The following PCDH15 variants were observed in gnomAD, a reference collection of about 807,000 sequenced individuals.
The protein encoded by PCDH15 is protocadherin-15.
A neutral mutation model predicts 178.5 loss-of-function variants in PCDH15; 129 were observed. The observed-to-expected ratio is 0.72, with a 90% CI of 0.63 to 0.84. The LOEUF (loss-of-function observed/expected upper bound fraction) is 0.84, where lower values mean the gene tolerates loss of function less well. PCDH15 is among the 40% of genes least tolerant of loss of function. The pLI is 0.00. For synonymous variants in PCDH15, 800 were observed against 732.0 expected, an observed-to-expected ratio of 1.09 and a Z score of -1.50; for missense variants, 2,230 against 2,099.9, an observed-to-expected ratio of 1.06 and a Z score of -1.21.
rs201916588 is a variant in PCDH15, at chr10:54,723,204, CAT to C, written c.-28-58916_-28-58915del. Among the ~76,000 whole-genome samples, 1,276 of 151,572 alleles carry C rather than the reference CAT, an allele frequency of 8.4e-3. 14 individuals carry two copies. The highest frequency in any genetic ancestry group is 0.029 in the African/African-American group (1,181 of 41,432). ...CATGCTACTAGTACAAAAATGGAGA[CAT>C]AGATCAATGGAACAGAAAAGATAAC... On this transcript the variant is annotated intron_variant, in intron 1 of 37. Transcript: ENST00000644397.
At chr10:55,419,602 G>GT (rs1244084161) in intron 2 of PCDH15, among the ~76,000 whole-genome samples, 1 of 151,790 alleles carries the variant, frequency 6.6e-6, no homozygotes, top group Non-Finnish European at 1.5e-5. Context: ...CACAATAGTG[G>GT]TTTAAAGACC....
intron 3 of PCDH15, among the ~76,000 whole-genome samples, chr10:54,471,501 G>C (rs932633777): frequency 6.6e-6 from 1 of 151,956 alleles, no homozygotes; most frequent in African/African-American, 2.4e-5. Flanking sequence ...ATTAGTTTCT[G>C]TTTTATGTGA....
intron 34 of PCDH15, 22 bp from the exon 35 acceptor site, chr10:53,816,299 G>T: frequency 2.5e-6 from 1 of 398,530 alleles, no homozygotes; most frequent in Non-Finnish European, 4.4e-6. Context: ...AATTAAAATA[G>T]AAAAAGATTT....
intron 3 of PCDH15, among the ~76,000 whole-genome samples, chr10:54,858,110 G>T (rs1953773058): frequency 6.6e-6 from 1 of 152,118 alleles, no homozygotes; most frequent in Non-Finnish European, 1.5e-5. Context: ...CTACTCTCTA[G>T]TTCCAGGAAT....
At chr10:55,429,686 T>G (rs1212825149) in intron 2 of PCDH15, among the ~76,000 whole-genome samples, 5 of 152,206 alleles carry the variant, frequency 3.3e-5, no homozygotes, top group African/African-American at 7.2e-5. Flanking sequence ...CCTCAAATCT[T>G]AGAAGCATTT....
At chr10:55,006,831 T>C (rs747995017) in intron 2 of PCDH15, among the ~76,000 whole-genome samples, 22 of 152,204 alleles carry the variant, frequency 1.4e-4, no homozygotes, top group Non-Finnish European at 2.4e-4. Context: ...GTAGCCTCTT[T>C]CTTTTCACCT....
At chr10:54,465,463 T>C (rs2077454679) in intron 3 of PCDH15, among the ~76,000 whole-genome samples, 2 of 152,038 alleles carry the variant, frequency 1.3e-5, no homozygotes, top group South Asian at 2.1e-4. Flanking sequence ...TATTACCTTT[T>C]TTAGCCCCAC....
chr10:55,477,183 T>C (rs148889049), intron 2 of PCDH15, among the ~76,000 whole-genome samples: 305 of 152,048 alleles, frequency 2.0e-3, no homozygotes, highest in African/African-American at 7.0e-3. Context: ...TCATTCATTT[T>C]TGGGCATGAA....
chr10:54,563,227 G>C (rs1432070696), intron 2 of PCDH15, among the ~76,000 whole-genome samples: 1 of 152,076 alleles, frequency 6.6e-6, no homozygotes, highest in African/African-American at 2.4e-5. Context: ...CCCAGGTTTT[G>C]AAATAAGCCC....
chr10:54,620,738 T>A (rs574884074), intron 2 of PCDH15, among the ~76,000 whole-genome samples: 231 of 152,130 alleles, frequency 1.5e-3, no homozygotes, highest in African/African-American at 4.8e-3. Flanking sequence ...TTTCTGTACA[T>A]CCTGTAGGAT....
At chr10:54,021,700 C>A (rs1037304835) in intron 19 of PCDH15, among the ~76,000 whole-genome samples, 2 of 151,822 alleles carry the variant, frequency 1.3e-5, no homozygotes, top group Admixed American at 6.6e-5. Context: ...GTTAGGAGCT[C>A]CACCTCTATT....
At chr10:54,282,046 T>A (rs1173986456) in intron 8 of PCDH15, among the ~76,000 whole-genome samples, 1 of 152,108 alleles carries the variant, frequency 6.6e-6, no homozygotes, top group African/African-American at 2.4e-5. Context: ...CTCTTTGACA[T>A]TTACTACTAC....
At chr10:55,165,548 A>C (rs1017513869) in intron 2 of PCDH15, among the ~76,000 whole-genome samples, 1 of 151,932 alleles carries the variant, frequency 6.6e-6, no homozygotes, top group Non-Finnish European at 1.5e-5. Flanking sequence ...TAAAATGGTA[A>C]AATTATTTTT....
intron 2 of PCDH15, among the ~76,000 whole-genome samples, chr10:54,957,254 G>A (rs1838513161): frequency 6.6e-6 from 1 of 150,882 alleles, no homozygotes; most frequent in Non-Finnish European, 1.5e-5. Flanking sequence ...AGAATAATTT[G>A]GGCAAAAAAA....
intron 2 of PCDH15, among the ~76,000 whole-genome samples, chr10:54,638,922 G>A (rs193144374): frequency 9.2e-5 from 14 of 152,176 alleles, no homozygotes; most frequent in Admixed American, 9.2e-4. Context: ...ATTATTCTAA[G>A]TGAAGTAAGT....
intron 2 of PCDH15, among the ~76,000 whole-genome samples, chr10:54,615,874 A>G (rs1246537843): frequency 1.3e-5 from 2 of 152,078 alleles, no homozygotes; most frequent in African/African-American, 4.8e-5. Flanking sequence ...AATAATAAAA[A>G]TATTCCCAGT....
At chr10:54,498,570 G>A (rs1391714729) in intron 3 of PCDH15, among the ~76,000 whole-genome samples, 1 of 152,014 alleles carries the variant, frequency 6.6e-6, no homozygotes, top group African/African-American at 2.4e-5. Context: ...AAACCCATAG[G>A]CTCTAAGTAA....
At chr10:53,978,987 ATCT>A (rs367999252) in intron 21 of PCDH15, among the ~76,000 whole-genome samples, 38 of 152,162 alleles carry the variant, frequency 2.5e-4, no homozygotes, top group African/African-American at 8.9e-4. Flanking sequence ...ACTTTCCCAC[ATCT>A]TCTTGTCTTC....
chr10:54,791,586 C>A (rs1462935426), intron 1 of PCDH15, among the ~76,000 whole-genome samples: 1 of 151,874 alleles, frequency 6.6e-6, no homozygotes, highest in Non-Finnish European at 1.5e-5. Flanking sequence ...TCAAACGTAA[C>A]ATGTTTAAAA....
Sources: gnomAD v4.1 joint callset for allele counts (sites outside exome capture counted in the v4.1 genomes callset) on GRCh38, gnomAD v4.1.1 for gene constraint, MANE v1.5 for transcripts, NCBI Gene and HGNC (gene_info 2026-07-23, HGNC 2026-07-21) for gene names.